The following SLC35E1 variants were observed in gnomAD, a reference collection of about 807,000 sequenced individuals.
The protein encoded by SLC35E1 is solute carrier family 35, member E1.
Under a neutral mutation model 31.0 loss-of-function variants are expected in SLC35E1, and 12 were observed. That is an observed-to-expected ratio of 0.39 (90% CI 0.25 to 0.63). The LOEUF (loss-of-function observed/expected upper bound fraction) is 0.63, where lower values mean the gene tolerates loss of function less well. SLC35E1 is among the 20% of genes least tolerant of loss of function. The pLI, the probability that SLC35E1 is intolerant of heterozygous loss-of-function variation, is 0.52. For missense variants in SLC35E1, 429 were observed against 572.2 expected, an observed-to-expected ratio of 0.75 and a Z score of 2.55; for synonymous variants, 257 against 264.1, an observed-to-expected ratio of 0.97 and a Z score of 0.26.
At chr19:16,568,745 C>T (rs1012640318) in intron 2 of SLC35E1, among the ~76,000 whole-genome samples, 1 of 152,192 alleles carries the variant, frequency 6.6e-6, no homozygotes. Flanking sequence ...GTTAGCCAGG[C>T]TAGTCTTGAA....
At chr19:16,559,772 C>T (rs2085895424) in intron 4 of SLC35E1, among the ~76,000 whole-genome samples, 1 of 152,172 alleles carries the variant, frequency 6.6e-6, no homozygotes, top group Non-Finnish European at 1.5e-5. Flanking sequence ...TAAAGTCTGT[C>T]TGATAATCCC....
At chr19:16,556,344 CAA>C (rs55752909) in intron 4 of SLC35E1, among the ~76,000 whole-genome samples, 11 of 111,636 alleles carry the variant, frequency 9.9e-5, no homozygotes, top group Non-Finnish European at 9.6e-5. Flanking sequence ...CCTGTCTCTA[CAA>C]AAAAAAAAAA....
intron 3 of SLC35E1, 26 bp downstream of exon 3, chr19:16,568,006 C>A: frequency 6.3e-7 from 1 of 1,584,482 alleles, no homozygotes. Context: ...AAACCCCATG[C>A]ATGTCCGCTG....
At chr19:16,570,867 C>G (rs939020204) in intron 2 of SLC35E1, among the ~76,000 whole-genome samples, 1 of 152,084 alleles carries the variant, frequency 6.6e-6, no homozygotes, top group African/African-American at 2.4e-5. Context: ...GAGGCTGAGG[C>G]GGACGGATCA....
In SLC35E1 at chr19:16,550,129, C is replaced by A. The variant is rs1375327401; in HGVS notation, c.*3550G>T. ...TGCTTCCTCACTTGAACGGATCTGG[C>A]CCCTTTGTGGTAGGGGCTTGACTGT... On this transcript the variant is annotated 3_prime_UTR_variant, in exon 6 of 6. Coordinates refer to ENST00000595753, the MANE Select transcript of SLC35E1 (RefSeq NM_024881.5). 1 of 152,128 alleles carries A rather than the reference C, an allele frequency of 6.6e-6. No homozygotes were observed. Among genetic ancestry groups the A allele is most frequent in the Admixed American group, 6.6e-5 (1 of 15,262 alleles). 9.4% of individuals were successfully genotyped at this position (152,128 alleles called of 1,614,324 possible). A position where few individuals can be genotyped will look rare whatever the true frequency, so the allele number is the denominator to read the frequency against.
intron 3 of SLC35E1, 81 bp downstream of exon 3, chr19:16,567,951 C>T (rs1422273788): frequency 2.7e-5 from 40 of 1,455,506 alleles, no homozygotes; most frequent in African/African-American, 5.8e-5. Flanking sequence ...ATTTCTACTC[C>T]GCCTGTTTTC....
At chr19:16,567,909 A>C in intron 3 of SLC35E1, 123 bp downstream of exon 3, 1 of 1,320,886 alleles carries the variant, frequency 7.6e-7, no homozygotes, top group Non-Finnish European at 1.0e-6. Flanking sequence ...GCAGAATGGC[A>C]ATCAAGATTT....
intron 2 of SLC35E1, among the ~76,000 whole-genome samples, chr19:16,569,799 G>A (rs1004591855): frequency 2.0e-5 from 3 of 152,180 alleles, no homozygotes; most frequent in Non-Finnish European, 4.4e-5. Context: ...AGCTGAGATC[G>A]CACCACGGCA....
chr19:16,565,162 G>A (rs1365493747), intron 4 of SLC35E1: 4 of 456,074 alleles, frequency 8.8e-6, no homozygotes, highest in Non-Finnish European at 1.8e-5. Context: ...TCGACGTGGA[G>A]TAAATGGAAA....
chr19:16,566,464 TC>T, intron 4 of SLC35E1, 67 bp downstream of exon 4: 1 of 1,600,664 alleles, frequency 6.2e-7, no homozygotes. Context: ...CAGCTACAGC[TC>T]CTCAACAAAG....
intron 5 of SLC35E1, among the ~76,000 whole-genome samples, chr19:16,554,271 A>AG (rs1050884685): frequency 6.6e-6 from 1 of 150,706 alleles, no homozygotes; most frequent in African/African-American, 2.4e-5. Flanking sequence ...GTCTCAGAAA[A>AG]AAAAAAAAAA....
chr19:16,569,245 G>A (rs370621866), intron 2 of SLC35E1, among the ~76,000 whole-genome samples: 4 of 151,684 alleles, frequency 2.6e-5, no homozygotes, highest in South Asian at 2.1e-4. Context: ...GGATGGTCTC[G>A]ATCTCTTGAC....
intron 4 of SLC35E1, among the ~76,000 whole-genome samples, chr19:16,560,881 CAAA>C (rs1304202019): frequency 1.5e-4 from 10 of 68,060 alleles, no homozygotes; most frequent in Non-Finnish European, 2.6e-4. Context: ...AAAAAAAAAC[CAAA>C]AAAAAAAAAA....
At chr19:16,559,071 C>G (rs917108797) in intron 4 of SLC35E1, among the ~76,000 whole-genome samples, 3 of 152,096 alleles carry the variant, frequency 2.0e-5, no homozygotes, top group Admixed American at 6.5e-5. Context: ...CCCAGCCAAT[C>G]CCGTGAGTTT....
chr19:16,558,608 A>G (rs1451499947), intron 4 of SLC35E1, among the ~76,000 whole-genome samples: 30 of 151,876 alleles, frequency 2.0e-4, no homozygotes, highest in Admixed American at 2.0e-3. Context: ...AAGTGCTGGG[A>G]TTGGATTATA....
rs1415379654 is a variant in SLC35E1, at chr19:16,572,056, C to A, written c.309G>T (p.Leu103=). 2 of 1,539,552 alleles carry A rather than the reference C, an allele frequency of 1.3e-6. No individual in the cohort carries two copies. The highest frequency in any genetic ancestry group is 1.4e-5 in the African/African-American group (1 of 71,086). Residue 103 remains leucine (L), a synonymous_variant, in exon 1 of 6, where the codon CTG becomes CTT. Coordinates refer to ENST00000595753, the MANE Select transcript of SLC35E1 (RefSeq NM_024881.5). The surrounding 1 kb of genome is among the most constrained non-coding windows in gnomAD (Gnocchi z 4.1). ...CGTAGCGCGGGTAGAAGCGCGGCGG[C>A]AGCAGCGGGCCGGACGACGGATGCG... ...PSPHPSSGPL[L]PPRFYPRYVL...
At chr19:16,571,478 C>A in intron 2 of SLC35E1, 34 bp downstream of exon 2, 3 of 1,609,476 alleles carry the variant, frequency 1.9e-6, no homozygotes, top group Non-Finnish European at 2.6e-6. Flanking sequence ...CCCCCTGGAG[C>A]TCCCATCTGC....
intron 2 of SLC35E1, among the ~76,000 whole-genome samples, chr19:16,569,049 G>A (rs2085945256): frequency 6.8e-6 from 1 of 147,674 alleles, no homozygotes; most frequent in Non-Finnish European, 1.5e-5. Context: ...TTTTTGAGAC[G>A]GAGTCTCGCT....
intron 5 of SLC35E1, among the ~76,000 whole-genome samples, chr19:16,554,726 G>C (rs566878207): frequency 6.6e-6 from 1 of 150,422 alleles, no homozygotes; most frequent in East Asian, 2.0e-4. Flanking sequence ...GCTGAGGCAG[G>C]AGAATCGCTT....
Sources: gnomAD v4.1 joint callset for allele counts (sites outside exome capture counted in the v4.1 genomes callset) on GRCh38, gnomAD v4.1.1 for gene constraint, Gnocchi (gnomAD v3.1) non-coding constraint, MANE v1.5 for transcripts, NCBI Gene and HGNC (gene_info 2026-07-23, HGNC 2026-07-21) for gene names.